UNC5D: variants seen among roughly 807,000 people sequenced by gnomAD.
UNC5D encodes unc-5 netrin receptor D, also known as netrin receptor UNC5D.
A neutral mutation model predicts 105.4 loss-of-function variants in UNC5D; 39 were observed. That is an observed-to-expected ratio of 0.37 (90% CI 0.29 to 0.48). The LOEUF is 0.48. Ranked by LOEUF, UNC5D falls within the 20% of genes least tolerant of loss-of-function variation. UNC5D has a pLI of 0.98. For missense variants in UNC5D, 991 were observed against 1,202.4 expected (o/e 0.82, Z 2.60); for synonymous variants, 452 against 450.4 (o/e 1.00, Z -0.04).
intron 4 of UNC5D, among the ~76,000 whole-genome samples, chr8:35,640,378 A>G (rs1357540717): frequency 2.0e-5 from 3 of 152,210 alleles, no homozygotes; most frequent in Non-Finnish European, 4.4e-5. Context: ...TCAAGAAATC[A>G]TGTACCCATA....
intron 3 of UNC5D, among the ~76,000 whole-genome samples, chr8:35,591,911 T>C (rs1819201096): frequency 6.6e-6 from 1 of 152,200 alleles, no homozygotes; most frequent in African/African-American, 2.4e-5. Flanking sequence ...AACTGGTCTA[T>C]CTATAAATTG....
chr8:35,684,528 AAT>A, intron 5 of UNC5D, 52 bp from the exon 6 acceptor site: 4 of 1,578,794 alleles, frequency 2.5e-6, no homozygotes, highest in Non-Finnish European at 3.4e-6. Flanking sequence ...CATAGTAGGC[AAT>A]CAGTAAAAAC....
intron 9 of UNC5D, among the ~76,000 whole-genome samples, chr8:35,723,098 A>G (rs16884299): frequency 0.065 from 9,972 of 152,248 alleles, 914 homozygotes; most frequent in African/African-American, 0.2. Context: ...AAAAAATGAA[A>G]CCGTCTCTTT....
chr8:35,425,329 G>A (rs1344370123), intron 1 of UNC5D, among the ~76,000 whole-genome samples: 1 of 152,116 alleles, frequency 6.6e-6, no homozygotes, highest in Admixed American at 6.6e-5. Context: ...CAGTAAAAAG[G>A]CAGAGATCTG....
intron 4 of UNC5D, among the ~76,000 whole-genome samples, chr8:35,653,077 A>G (rs1823528375): frequency 6.6e-6 from 1 of 151,682 alleles, no homozygotes. Flanking sequence ...ATACAGGCAC[A>G]TGCCACCACA....
intron 1 of UNC5D, among the ~76,000 whole-genome samples, chr8:35,446,084 G>T (rs1199904174): frequency 6.6e-6 from 1 of 151,810 alleles, no homozygotes; most frequent in East Asian, 1.9e-4. Flanking sequence ...GTGGTGATTT[G>T]TGAGATTTTG....
intron 1 of UNC5D, among the ~76,000 whole-genome samples, chr8:35,475,841 G>A (rs1242861460): frequency 6.6e-6 from 1 of 152,096 alleles, no homozygotes; most frequent in Non-Finnish European, 1.5e-5. Context: ...TTTGCCACCC[G>A]TGTTAAACTC....
intron 8 of UNC5D, among the ~76,000 whole-genome samples, chr8:35,709,246 G>A (rs1413362710): frequency 3.9e-5 from 6 of 152,084 alleles, no homozygotes; most frequent in South Asian, 2.1e-4. Context: ...TCAAGCTTAC[G>A]TGTTAGTGAG....
chr8:35,739,276 C>T (rs74644101), intron 11 of UNC5D, among the ~76,000 whole-genome samples: 1,551 of 152,130 alleles, frequency 0.01, 30 homozygotes, highest in African/African-American at 0.036. Context: ...AATATAATGC[C>T]ATTAACCCAC....
rs1333969706 is a variant in UNC5D, at chr8:35,489,015, T to G, written c.104-60277T>G. 2.6e-5 allele frequency among the ~76,000 whole-genome samples: 4 copies of G among 152,070 alleles called. No homozygotes were observed. In the East Asian group the frequency reaches 5.8e-4, roughly 22 times the overall value. ...GCTGAATTATCTCCCCCCAATTTTT[T>G]TTTTTTTTTGAGAGGGAATCTCACT... On this transcript the variant is annotated intron_variant, in intron 1 of 16. Transcript: ENST00000404895.
rs1586585643 is a variant in UNC5D, at chr8:35,750,908, AAATG to A, written c.2163+102_2163+105del. ...AAAATTTTATTACTGAGGGTCTAGA[AAATG>A]AACCCACGCCACTGTAACTGCCCAG... is the stretch of plus-strand genomic sequence containing the variant. On this transcript the variant is annotated intron_variant, in intron 13 of 16. Transcript: ENST00000404895. 2.1e-6 allele frequency: 3 copies of A among 1,430,674 alleles called. No homozygotes were observed. In the East Asian group the frequency reaches 6.9e-5, roughly 33 times the overall value. 88.6% of individuals were successfully genotyped at this position (1,430,674 alleles called of 1,614,324 possible).
intron 1 of UNC5D, among the ~76,000 whole-genome samples, chr8:35,244,776 T>G (rs1175640164): frequency 6.6e-6 from 1 of 152,016 alleles, no homozygotes; most frequent in Non-Finnish European, 1.5e-5. Flanking sequence ...TTTGGGAGGC[T>G]GAGGTGGGAG....
chr8:35,525,072 A>C, intron 1 of UNC5D: 1 of 1,091,478 alleles, frequency 9.2e-7, no homozygotes, highest in Non-Finnish European at 1.3e-6. Flanking sequence ...GTTAAGAGCC[A>C]ACAGGACATA....
chr8:35,428,980 G>A (rs1806441361), intron 1 of UNC5D, among the ~76,000 whole-genome samples: 1 of 152,146 alleles, frequency 6.6e-6, no homozygotes, highest in Admixed American at 6.6e-5. Context: ...AATGGGAGAT[G>A]TGACTAAGCT....
chr8:35,520,642 C>G (rs1469686400), intron 1 of UNC5D, among the ~76,000 whole-genome samples: 1 of 151,908 alleles, frequency 6.6e-6, no homozygotes, highest in African/African-American at 2.4e-5. Flanking sequence ...AGTTCAAAAC[C>G]AATCAGCTAA....
intron 1 of UNC5D, among the ~76,000 whole-genome samples, chr8:35,414,651 T>C (rs1003236780): frequency 3.3e-5 from 5 of 152,054 alleles, no homozygotes; most frequent in African/African-American, 4.8e-5. Context: ...GAAGTTAAGC[T>C]TCTTGAAAAA....
At chr8:35,277,357 T>C (rs1805845971) in intron 1 of UNC5D, among the ~76,000 whole-genome samples, 1 of 152,192 alleles carries the variant, frequency 6.6e-6, no homozygotes, top group African/African-American at 2.4e-5. Context: ...AGTACATGGA[T>C]TGTGCATTTT....
intron 1 of UNC5D, among the ~76,000 whole-genome samples, chr8:35,374,633 T>G (rs571990301): frequency 3.3e-4 from 50 of 152,302 alleles, no homozygotes; most frequent in Admixed American, 1.5e-3. Flanking sequence ...TGTTACTGTC[T>G]CAAAAGGACA....
chr8:35,505,803 A>G (rs12676127), intron 1 of UNC5D, among the ~76,000 whole-genome samples: 2 of 152,218 alleles, frequency 1.3e-5, no homozygotes, highest in African/African-American at 4.8e-5. Context: ...GTGATTTTGC[A>G]CAGTGGTTGG....
Sources: gnomAD v4.1 joint callset for allele counts (sites outside exome capture counted in the v4.1 genomes callset) on GRCh38, gnomAD v4.1.1 for gene constraint, MANE v1.5 for transcripts, NCBI Gene and HGNC (gene_info 2026-07-23, HGNC 2026-07-21) for gene names.